FBN1: variants seen among roughly 807,000 people sequenced by gnomAD.
FBN1 encodes fibrillin-1.
A neutral mutation model predicts 365.1 loss-of-function variants in FBN1; 29 were observed. The ratio of observed to expected loss-of-function variants is 0.08; its 90% CI spans 0.06 to 0.11. The LOEUF (loss-of-function observed/expected upper bound fraction) is 0.11, where lower values mean the gene tolerates loss of function less well. Ranked by LOEUF, FBN1 falls within the 10% of genes least tolerant of loss-of-function variation. The pLI, the probability that FBN1 is intolerant of heterozygous loss-of-function variation, is 1.00. For synonymous variants in FBN1, 1,210 were observed against 1,270.5 expected (o/e 0.95, Z 1.01); for missense variants, 2,476 against 3,703.2 (o/e 0.67, Z 8.60).
chr15:48,521,389 T>C (rs2043853660), intron 9 of FBN1, among the ~76,000 whole-genome samples: 1 of 152,210 alleles, frequency 6.6e-6, no homozygotes, highest in South Asian at 2.1e-4. Flanking sequence ...TTAATCAAGA[T>C]TTCCTTTTGT....
At chr15:48,612,456 T>C (rs1258689073) in intron 3 of FBN1, among the ~76,000 whole-genome samples, 1 of 152,246 alleles carries the variant, frequency 6.6e-6, no homozygotes, top group East Asian at 1.9e-4. Context: ...ATGCGATTTG[T>C]CACTCAACAT....
rs2043405123 is a variant in FBN1, at chr15:48,474,622, G to A, written c.3993C>T (p.His1331=). ...TACATACAGCATGTTTGCCACAGTT[G>A]TGTGCTCCAATTTCACATTCATTGA... ...TDINECEIGA[H]NCGKHAVCTN... Residue 1331 remains histidine, a synonymous_variant, in exon 33 of 66, where the codon CAC becomes CAT. Transcript: ENST00000316623. The A allele has an allele frequency of 1.2e-6, 2 of 1,614,002 alleles. No individual in the cohort carries two copies. Among genetic ancestry groups the A allele is most frequent in the Admixed American group, 3.3e-5 (2 of 59,992 alleles).
At chr15:48,424,177 C>T (rs1046351809) in intron 60 of FBN1, among the ~76,000 whole-genome samples, 8 of 152,140 alleles carry the variant, frequency 5.3e-5, no homozygotes, top group African/African-American at 1.2e-4. Context: ...AAGCTATGAG[C>T]GACTTCATTT....
chr15:48,619,693 G>C (rs947539563), intron 2 of FBN1, among the ~76,000 whole-genome samples: 2 of 151,536 alleles, frequency 1.3e-5, no homozygotes, highest in South Asian at 4.2e-4. Flanking sequence ...GCACAAAGCT[G>C]TTCAACAATT....
At chr15:48,577,396 A>G (rs2044357255) in intron 6 of FBN1, among the ~76,000 whole-genome samples, 1 of 152,136 alleles carries the variant, frequency 6.6e-6, no homozygotes, top group Non-Finnish European at 1.5e-5. Flanking sequence ...GCCAAGTAAC[A>G]TTTTCTCTTG....
intron 8 of FBN1, among the ~76,000 whole-genome samples, chr15:48,527,139 T>G (rs1156896530): frequency 6.6e-6 from 1 of 152,198 alleles, no homozygotes; most frequent in Non-Finnish European, 1.5e-5. Flanking sequence ...TGCCTCTTCC[T>G]CTTCTCTTCT....
At chr15:48,444,405 C>T in intron 49 of FBN1, 136 bp downstream of exon 49, 1 of 982,452 alleles carries the variant, frequency 1.0e-6, no homozygotes, top group Non-Finnish European at 1.6e-6. Context: ...AGGATGAGAC[C>T]ATGTCATACC....
At position 48,473,766 on chromosome 15, in the gene FBN1, C is replaced by T. The variant is rs149291366; in HGVS notation, c.4210+489G>A. On this transcript the variant is annotated intron_variant, in intron 34 of 65. Transcript: ENST00000316623. ...CATAGTTCCCTACAGCAAGCTTATC[C>T]TTGTGTTGGTACAGAAAGGAAGTCA... is the stretch of plus-strand genomic sequence containing the variant. Among the ~76,000 whole-genome samples the T allele has an allele frequency of 4.2e-3, 641 of 151,160 alleles. 5 individuals carry two copies. Among genetic ancestry groups the T allele is most frequent in the Middle Eastern group, 6.8e-3 (2 of 292 alleles).
In FBN1 at chr15:48,456,622, C is replaced by A; in HGVS notation, c.5422+15G>T. 6.2e-7 allele frequency: 1 copy of A among 1,612,916 alleles called. No homozygotes were observed. The highest frequency in any genetic ancestry group is 1.1e-5 in the South Asian group (1 of 91,000). Reference sequence around the variant, plus strand: ...AGCTCTTTTCTGGATATGATAAAGTCATGATGCCACTTACCTTCACAAACC... The same window carrying A: ...AGCTCTTTTCTGGATATGATAAAGTAATGATGCCACTTACCTTCACAAACC... On this transcript the variant is annotated intron_variant, in intron 44 of 65. Transcript: ENST00000316623.
At chr15:48,464,347 C>T (rs1395780065) in intron 40 of FBN1, among the ~76,000 whole-genome samples, 1 of 152,050 alleles carries the variant, frequency 6.6e-6, no homozygotes, top group African/African-American at 2.4e-5. Context: ...CCCATCTCTA[C>T]TAAAAATACA....
At chr15:48,526,511 G>A (rs2043916658) in intron 8 of FBN1, among the ~76,000 whole-genome samples, 1 of 152,164 alleles carries the variant, frequency 6.6e-6, no homozygotes, top group African/African-American at 2.4e-5. Context: ...CTAAACCTGT[G>A]TACTGTTGTT....
In FBN1 at chr15:48,515,401, C is replaced by T. The variant is rs371985966; in HGVS notation, c.1454G>A (p.Arg485His). 10 of 1,613,840 alleles carry T rather than the reference C, an allele frequency of 6.2e-6. No individual in the cohort carries two copies. The highest frequency in any genetic ancestry group is 4.5e-5 in the East Asian group (2 of 44,892). The change falls in exon 12 of 66, where the codon CGT (arginine) becomes CAT (histidine). Residue 485 changes from arginine (R) to histidine (H), a missense_variant. By Grantham distance (29) the Arg-to-His change is conservative. Coordinates refer to ENST00000316623, the MANE Select transcript of FBN1 (RefSeq NM_000138.5). ...ECNKGFQLDL[R>H]GECIDVDECE... Reference sequence around the variant, plus strand: ...GGATCACGTACCAATACACTCCCCACGGAGGTCCAGCTGGAACCCTTTGTT... The same window carrying T: ...GGATCACGTACCAATACACTCCCCATGGAGGTCCAGCTGGAACCCTTTGTT...
chr15:48,466,785 C>T (rs560809887), intron 38 of FBN1, among the ~76,000 whole-genome samples: 1 of 152,224 alleles, frequency 6.6e-6, no homozygotes, highest in South Asian at 2.1e-4. Flanking sequence ...CCCTTCGACA[C>T]CAATGAAATG....
At chr15:48,514,887 G>T (rs2043788288) in intron 12 of FBN1, among the ~76,000 whole-genome samples, 1 of 152,156 alleles carries the variant, frequency 6.6e-6, no homozygotes, top group Admixed American at 6.5e-5. Context: ...CAGAACCTAT[G>T]GATATGTTTA....
At chr15:48,564,545 A>G (rs1455623136) in intron 6 of FBN1, among the ~76,000 whole-genome samples, 1 of 151,982 alleles carries the variant, frequency 6.6e-6, no homozygotes, top group African/African-American at 2.4e-5. Flanking sequence ...GCCTTCTCAA[A>G]TGCTTATTGT....
In FBN1 at chr15:48,465,802, C is replaced by T. The variant is rs780957696; in HGVS notation, c.4804G>A (p.Val1602Ile). The change falls in exon 39 of 66, where the codon GTT (valine) becomes ATT (isoleucine). Residue 1602 changes from valine (V) to isoleucine (I), a missense_variant. Val to Ile is a conservative substitution (Grantham distance 29). Coordinates refer to ENST00000316623, the MANE Select transcript of FBN1 (RefSeq NM_000138.5). ...GEGFRPNPIT[V>I]ILEDIDECQE... ...GAAACACAATTACCTTCCAATATAA[C>T]GGTGATAGGATTTGGTCGGAAACCT... 1.7e-5 allele frequency: 27 copies of T among 1,613,512 alleles called. No homozygotes were observed. Among genetic ancestry groups the T allele is most frequent in the African/African-American group, 1.3e-4 (10 of 74,906 alleles).
At position 48,418,235 on chromosome 15, in the gene FBN1, A is replaced by G. The variant is rs893658150; in HGVS notation, c.7819+2452T>C. Among the ~76,000 whole-genome samples the G allele has an allele frequency of 7.2e-5, 11 of 152,246 alleles. No homozygotes were observed. In the South Asian group the frequency reaches 1.0e-3, roughly 14 times the overall value. Reference sequence around the variant, plus strand: ...TATTTAAGCCAAACTGGGATAAGCAAGGAAGTTAGAGAAGGATTTATATAT... The same window carrying G: ...TATTTAAGCCAAACTGGGATAAGCAGGGAAGTTAGAGAAGGATTTATATAT... On this transcript the variant is annotated intron_variant, in intron 63 of 65. Transcript: ENST00000316623.
chr15:48,546,107 T>G (rs1389907189), intron 6 of FBN1, among the ~76,000 whole-genome samples: 1 of 152,238 alleles, frequency 6.6e-6, no homozygotes, highest in Non-Finnish European at 1.5e-5. Flanking sequence ...ATTTTACAAC[T>G]GTAAAACAGA....
intron 15 of FBN1, among the ~76,000 whole-genome samples, chr15:48,505,771 A>G (rs2043703013): frequency 1.3e-5 from 2 of 152,232 alleles, no homozygotes; most frequent in Admixed American, 1.3e-4. Context: ...TAAACTTTAC[A>G]AACACTTTAT....
Sources: allele counts gnomAD v4.1 joint callset (sites outside exome capture counted in the v4.1 genomes callset), GRCh38; gene constraint gnomAD v4.1.1; transcripts MANE v1.5; gene names NCBI Gene and HGNC (gene_info 2026-07-23, HGNC 2026-07-21).